The following M1AP variants were observed in gnomAD, a reference collection of about 807,000 sequenced individuals.
M1AP encodes meiosis 1 arrest protein.
A neutral mutation model predicts 51.2 loss-of-function variants in M1AP; 39 were observed. The ratio of observed to expected loss-of-function variants is 0.76; its 90% CI spans 0.59 to 1.00. The LOEUF is 1.00. Ranked by LOEUF, M1AP falls within the 50% of genes least tolerant of loss-of-function variation. The probability of loss-of-function intolerance (pLI) is 0.00; values close to 1 mark genes in which losing one functional copy is unlikely to be tolerated. For missense variants in M1AP, 545 were observed against 641.2 expected (o/e 0.85, Z 1.62); for synonymous variants, 251 against 249.2 (o/e 1.01, Z -0.07).
At chr2:74,585,522 C>CAGCA (rs1198333343) in intron 4 of M1AP, among the ~76,000 whole-genome samples, 2 of 152,240 alleles carry the variant, frequency 1.3e-5, no homozygotes, top group African/African-American at 4.8e-5. Flanking sequence ...GCCAGCCAGG[C>CAGCA]AGCAGTCTTC....
chr2:74,559,021 C>G lies in M1AP; in HGVS notation c.1435-147G>C, dbSNP rs1020507195. On this transcript the variant is annotated intron_variant, in intron 10 of 10. Transcript: ENST00000421985. ...AGGCCGAGGACAGTGATCTGGAGTCCCTTAAGCCCAGCCTCCACAGTGCCT... is the reference window on the plus strand; with the variant it reads ...AGGCCGAGGACAGTGATCTGGAGTCGCTTAAGCCCAGCCTCCACAGTGCCT... 7.2e-5 allele frequency: 54 copies of G among 752,382 alleles called. 1 individual carries two copies. The African/African-American group carries it at 8.7e-4, about 12-fold the overall frequency. The allele number at this position is 752,382 out of a possible 1,614,324, so 46.6% of individuals were successfully genotyped here. A position where few individuals can be genotyped will look rare whatever the true frequency, so the allele number is the denominator to read the frequency against.
At chr2:74,575,381 T>G (rs1573080315) in intron 7 of M1AP, 57 bp downstream of exon 7, 2 of 1,605,326 alleles carry the variant, frequency 1.2e-6, no homozygotes, top group Admixed American at 1.7e-5. Context: ...GCTGCTTTTC[T>G]GTGGTTGGTA....
chr2:74,591,713 G>T (rs1233783554), intron 4 of M1AP, among the ~76,000 whole-genome samples: 1 of 152,182 alleles, frequency 6.6e-6, no homozygotes, highest in Non-Finnish European at 1.5e-5. Context: ...TGAAAGAAAA[G>T]ACTTACTTGG....
chr2:74,614,941 T>C, intron 3 of M1AP, 23 bp downstream of exon 3: 1 of 1,608,584 alleles, frequency 6.2e-7, no homozygotes, highest in Non-Finnish European at 8.5e-7. Flanking sequence ...CAGCTTGGAG[T>C]CCTAAAGGCC....
chr2:74,587,021 T>C (rs1032980403), intron 4 of M1AP, among the ~76,000 whole-genome samples: 1 of 151,720 alleles, frequency 6.6e-6, no homozygotes, highest in African/African-American at 2.4e-5. Flanking sequence ...AAAAAAAATT[T>C]GTTAGCTATG....
intron 1 of M1AP, among the ~76,000 whole-genome samples, chr2:74,644,298 G>C (rs1683470634): frequency 6.6e-6 from 1 of 152,220 alleles, no homozygotes; most frequent in African/African-American, 2.4e-5. Flanking sequence ...CGAGCACTTT[G>C]AGAGGCTGAG....
chr2:74,587,182 A>G (rs1419025546), intron 4 of M1AP, among the ~76,000 whole-genome samples: 1 of 151,620 alleles, frequency 6.6e-6, no homozygotes, highest in East Asian at 1.9e-4. Context: ...TAGGATAATA[A>G]TATATTTTCC....
chr2:74,626,341 C>A (rs913523408), intron 2 of M1AP, among the ~76,000 whole-genome samples: 2 of 148,130 alleles, frequency 1.4e-5, no homozygotes, highest in African/African-American at 2.6e-5. Flanking sequence ...TAGCTCATGG[C>A]ACTGGGCTCA....
chr2:74,607,322 G>A, intron 3 of M1AP, 99 bp from the exon 4 acceptor site: 2 of 1,201,484 alleles, frequency 1.7e-6, no homozygotes, highest in Non-Finnish European at 2.4e-6. Flanking sequence ...GCATAAGTCT[G>A]TGGTGGTGGC....
chr2:74,614,365 C>T (rs1681541802), intron 3 of M1AP, among the ~76,000 whole-genome samples: 1 of 152,142 alleles, frequency 6.6e-6, no homozygotes, highest in East Asian at 1.9e-4. Flanking sequence ...GAATTGGAAA[C>T]CAGCAATCCC....
intron 7 of M1AP, among the ~76,000 whole-genome samples, chr2:74,563,339 C>T (rs1036916320): frequency 2.0e-5 from 3 of 152,076 alleles, no homozygotes; most frequent in Non-Finnish European, 2.9e-5. Context: ...GTGGCACACA[C>T]CTGTAATCCA....
intron 1 of M1AP, among the ~76,000 whole-genome samples, chr2:74,644,966 C>G (rs1683515207): frequency 6.6e-6 from 1 of 152,132 alleles, no homozygotes; most frequent in Non-Finnish European, 1.5e-5. Flanking sequence ...AAAGTAGAGG[C>G]AGGACAACCT....
At chr2:74,609,030 T>C (rs1558678390) in intron 3 of M1AP, among the ~76,000 whole-genome samples, 1 of 152,240 alleles carries the variant, frequency 6.6e-6, no homozygotes, top group African/African-American at 2.4e-5. Flanking sequence ...TCAGGGTAAT[T>C]AGCATATCTA....
At chr2:74,565,420 A>G (rs937453469) in intron 7 of M1AP, among the ~76,000 whole-genome samples, 2 of 152,234 alleles carry the variant, frequency 1.3e-5, no homozygotes, top group Non-Finnish European at 2.9e-5. Context: ...ATATACTGCA[A>G]CAAAGTAGGA....
chr2:74,644,149 A>G (rs532030256), intron 1 of M1AP, among the ~76,000 whole-genome samples: 1 of 152,298 alleles, frequency 6.6e-6, no homozygotes, highest in South Asian at 2.1e-4. Flanking sequence ...TGTAGGGAAA[A>G]TTAAAGCTTA....
At chr2:74,610,950 T>C (rs1681298219) in intron 3 of M1AP, among the ~76,000 whole-genome samples, 1 of 152,218 alleles carries the variant, frequency 6.6e-6, no homozygotes, top group African/African-American at 2.4e-5. Flanking sequence ...TCCTTCATTC[T>C]GTTAATGTGA....
At chr2:74,560,814 C>A (rs1054756390) in intron 8 of M1AP, among the ~76,000 whole-genome samples, 4 of 152,116 alleles carry the variant, frequency 2.6e-5, no homozygotes, top group Non-Finnish European at 5.9e-5. Context: ...AAGTGAGACA[C>A]TGAGCAGGCC....
intron 4 of M1AP, among the ~76,000 whole-genome samples, chr2:74,585,355 C>G (rs192830646): frequency 1.3e-5 from 2 of 152,230 alleles, no homozygotes; most frequent in East Asian, 3.9e-4. Context: ...TATGGTTCTC[C>G]CTCTAAAACA....
chr2:74,579,640 C>CG (rs1679286918), intron 5 of M1AP, among the ~76,000 whole-genome samples: 1 of 151,932 alleles, frequency 6.6e-6, no homozygotes, highest in African/African-American at 2.4e-5. Context: ...CTGTATGTGT[C>CG]TTACAATTGC....
Sources: gnomAD v4.1 joint callset for allele counts (sites outside exome capture counted in the v4.1 genomes callset) on GRCh38, gnomAD v4.1.1 for gene constraint, MANE v1.5 for transcripts, NCBI Gene and HGNC (gene_info 2026-07-23, HGNC 2026-07-21) for gene names.